The following NEK11 variants were observed in gnomAD, a reference collection of about 807,000 sequenced individuals.
The protein encoded by NEK11 is NIMA related kinase 11.
In NEK11, 72 loss-of-function variants were observed where a neutral mutation model predicts 80.7. The observed-to-expected ratio is 0.89, with a 90% CI of 0.74 to 1.08. The LOEUF (loss-of-function observed/expected upper bound fraction) is 1.08, where lower values mean the gene tolerates loss of function less well. Among genes scored for constraint, NEK11 ranks in the 50% least tolerant of loss-of-function variants. The pLI is 0.00. For synonymous variants in NEK11, 251 were observed against 260.7 expected, an observed-to-expected ratio of 0.96 and a Z score of 0.36; for missense variants, 764 against 763.6, an observed-to-expected ratio of 1.00 and a Z score of -0.01.
rs141666445 is a variant in NEK11 at position 131,301,472 on chromosome 3, C to T, written c.1718+27898C>T. ...GTTCTGTTTCTCAAGGGGAATGCTA[C>T]AGCTTTTTTTTTTTGTTCAGTATGA... On this transcript the variant is annotated intron_variant, in intron 17 of 17. Coordinates refer to ENST00000383366, the MANE Select transcript of NEK11 (RefSeq NM_024800.5). 7.9e-4 allele frequency among the ~76,000 whole-genome samples: 120 copies of T among 151,518 alleles called. No individual in the cohort carries two copies. The East Asian group carries it at 0.023, about 29-fold the overall frequency.
At position 131,026,950 on chromosome 3, in the gene NEK11, C is replaced by G. The variant is rs1404771375; in HGVS notation, c.-226C>G. The G allele has an allele frequency of 6.6e-6, 1 of 152,294 alleles. No individual in the cohort carries two copies. The highest frequency in any genetic ancestry group is 2.4e-5 in the African/African-American group (1 of 41,450). The allele number at this position is 152,294 out of a possible 1,614,324, so 9.4% of individuals were successfully genotyped here. On this transcript the variant is annotated 5_prime_UTR_variant, in exon 1 of 18. Transcript: ENST00000383366. ...GGTTGCCCCTAGTTTGAGGCCTGCC[C>G]GATTACCCGCAAGACTTGGGCAGCC...
chr3:131,135,815 G>T (rs887592076), intron 7 of NEK11, among the ~76,000 whole-genome samples: 4 of 151,908 alleles, frequency 2.6e-5, no homozygotes, highest in Non-Finnish European at 5.9e-5. Flanking sequence ...TAAGTTTTTG[G>T]AATTATATGT....
At chr3:131,340,406 T>C (rs1446940863) in intron 17 of NEK11, among the ~76,000 whole-genome samples, 1 of 152,206 alleles carries the variant, frequency 6.6e-6, no homozygotes, top group Non-Finnish European at 1.5e-5. Flanking sequence ...AGAGCCCTTA[T>C]TAGATAGAGA....
intron 11 of NEK11, chr3:131,165,209 G>T (rs2092088390): frequency 2.1e-6 from 1 of 471,088 alleles, no homozygotes; most frequent in Non-Finnish European, 3.8e-6. Flanking sequence ...TTTGGGATTT[G>T]TAAGGGTGAA....
In NEK11 at chr3:131,085,933, T is replaced by C. The variant is rs1481679382; in HGVS notation, c.336+5345T>C. On this transcript the variant is annotated intron_variant, in intron 4 of 17. Coordinates refer to ENST00000383366, the MANE Select transcript of NEK11 (RefSeq NM_024800.5). ...TTTCCCTTTCCTGCCTTGTTTTTTA[T>C]GAATTTGACACTTTTGATGGGTAAC... 2.0e-5 allele frequency among the ~76,000 whole-genome samples: 3 copies of C among 152,338 alleles called. No homozygotes were observed. The East Asian group carries it at 5.8e-4, about 29-fold the overall frequency.
At chr3:131,183,887 T>C (rs535092950) in intron 14 of NEK11, among the ~76,000 whole-genome samples, 12 of 152,318 alleles carry the variant, frequency 7.9e-5, no homozygotes, top group African/African-American at 2.4e-4. Flanking sequence ...TTGTACTAAT[T>C]TGTATTCCCA....
intron 15 of NEK11, among the ~76,000 whole-genome samples, chr3:131,233,206 AG>A (rs1297741684): frequency 6.6e-6 from 1 of 152,112 alleles, no homozygotes; most frequent in African/African-American, 2.4e-5. Context: ...CCCTGTCAAG[AG>A]GGAGCGCAAG....
chr3:131,215,589 G>A (rs540652968), intron 14 of NEK11, among the ~76,000 whole-genome samples: 2 of 152,236 alleles, frequency 1.3e-5, no homozygotes, highest in Admixed American at 1.3e-4. Flanking sequence ...GCAGAAAAGG[G>A]CATCTTACAG....
At chr3:131,306,173 GT>G (rs1186060793) in intron 17 of NEK11, among the ~76,000 whole-genome samples, 1 of 152,066 alleles carries the variant, frequency 6.6e-6, no homozygotes, top group South Asian at 2.1e-4. Context: ...AATCATAGTT[GT>G]TTTAAATTCC....
At chr3:131,184,107 T>G (rs2093494603) in intron 14 of NEK11, among the ~76,000 whole-genome samples, 1 of 152,200 alleles carries the variant, frequency 6.6e-6, no homozygotes, top group Non-Finnish European at 1.5e-5. Context: ...CAGCTCAAAA[T>G]TCCATCCAGC....
At chr3:131,134,010 A>C in intron 7 of NEK11, 54 bp downstream of exon 7, 2 of 1,479,784 alleles carry the variant, frequency 1.4e-6, no homozygotes, top group Non-Finnish European at 1.8e-6. Flanking sequence ...AGAATGGTAC[A>C]TTTTGTCTTT....
intron 16 of NEK11, among the ~76,000 whole-genome samples, chr3:131,263,312 A>G (rs1345125122): frequency 6.6e-6 from 1 of 152,126 alleles, no homozygotes; most frequent in African/African-American, 2.4e-5. Flanking sequence ...AGCACCATTT[A>G]TTAAATAGGA....
At chr3:131,223,374 C>G (rs140812630) in intron 14 of NEK11, among the ~76,000 whole-genome samples, 21 of 152,256 alleles carry the variant, frequency 1.4e-4, no homozygotes, top group African/African-American at 4.6e-4. Context: ...CAGAATGGCA[C>G]TTTTCCCTGG....
chr3:131,239,216 G>C (rs2095483470), intron 15 of NEK11, among the ~76,000 whole-genome samples: 1 of 152,140 alleles, frequency 6.6e-6, no homozygotes, highest in Non-Finnish European at 1.5e-5. Flanking sequence ...ATGGCTCTGA[G>C]AGAAGAGGTG....
At position 131,181,051 on chromosome 3, in the gene NEK11, G is replaced by C. The variant is rs1270954893; in HGVS notation, c.1399+10164G>C. On this transcript the variant is annotated intron_variant, in intron 14 of 17. Transcript: ENST00000383366. The stretch of plus-strand genomic sequence containing the variant: ...GTCCTTAAAATCCTGATGTCCTAAG[G>C]CTGTCCTAATCCTTGGAACCTGTGA... Among the ~76,000 whole-genome samples the C allele has an allele frequency of 3.9e-5, 6 of 152,190 alleles. No homozygotes were observed. The East Asian group carries it at 1.2e-3, about 29-fold the overall frequency.
intron 17 of NEK11, among the ~76,000 whole-genome samples, chr3:131,297,911 T>G (rs1344995783): frequency 3.3e-5 from 5 of 152,152 alleles, no homozygotes; most frequent in Admixed American, 1.3e-4. Context: ...CACCATTTAT[T>G]AAATAGGGAA....
chr3:131,308,251 C>T (rs2096741855), intron 17 of NEK11, among the ~76,000 whole-genome samples: 1 of 152,202 alleles, frequency 6.6e-6, no homozygotes, highest in Non-Finnish European at 1.5e-5. Flanking sequence ...GGAGCCTCAT[C>T]AGTCTTTAGT....
chr3:131,175,315 A>G (rs548815500), intron 14 of NEK11, among the ~76,000 whole-genome samples: 1 of 152,334 alleles, frequency 6.6e-6, no homozygotes, highest in African/African-American at 2.4e-5. Flanking sequence ...TAGAAGTTTT[A>G]TTCATAAGTA....
chr3:131,033,279 T>C (rs1009793825), intron 3 of NEK11, among the ~76,000 whole-genome samples: 2 of 152,128 alleles, frequency 1.3e-5, no homozygotes, highest in African/African-American at 4.8e-5. Context: ...CTAGATAAGG[T>C]TTTAAATTAT....
Sources: allele counts gnomAD v4.1 joint callset (sites outside exome capture counted in the v4.1 genomes callset), GRCh38; gene constraint gnomAD v4.1.1; transcripts MANE v1.5; gene names NCBI Gene and HGNC (gene_info 2026-07-23, HGNC 2026-07-21).